XKR6: variants seen among roughly 807,000 people sequenced by gnomAD.
XKR6 encodes XK related 6.
XKR6 carries 22 observed loss-of-function variants against 56.7 expected under a neutral mutation model. The observed-to-expected ratio is 0.39, with a 90% CI of 0.28 to 0.55. The LOEUF (loss-of-function observed/expected upper bound fraction) is 0.55, where lower values mean the gene tolerates loss of function less well. XKR6 is among the 20% of genes least tolerant of loss of function. The probability of loss-of-function intolerance (pLI) is 0.66; values close to 1 mark genes in which losing one functional copy is unlikely to be tolerated. For missense variants in XKR6, 852 were observed against 889.0 expected, an observed-to-expected ratio of 0.96 and a Z score of 0.53; for synonymous variants, 524 against 387.8, an observed-to-expected ratio of 1.35 and a Z score of -4.13.
chr8:10,901,557 C>A (rs1800036758), intron 2 of XKR6, among the ~76,000 whole-genome samples: 2 of 152,164 alleles, frequency 1.3e-5, no homozygotes, highest in South Asian at 4.1e-4. Context: ...CTCATGACAT[C>A]CTTGCTCTCC....
At chr8:11,116,634 G>T (rs1214416777) in intron 1 of XKR6, among the ~76,000 whole-genome samples, 1 of 152,100 alleles carries the variant, frequency 6.6e-6, no homozygotes, top group African/African-American at 2.4e-5. Context: ...GCCTCCCAAA[G>T]TGCTGGGATT....
intron 1 of XKR6, among the ~76,000 whole-genome samples, chr8:11,000,580 G>C (rs1346699725): frequency 1.3e-5 from 2 of 152,176 alleles, no homozygotes; most frequent in Admixed American, 1.3e-4. Flanking sequence ...AGCTACTCGG[G>C]AGGCTGAGGT....
intron 1 of XKR6, among the ~76,000 whole-genome samples, chr8:10,988,871 T>A (rs528887631): frequency 3.3e-5 from 5 of 152,314 alleles, no homozygotes; most frequent in African/African-American, 1.2e-4. Context: ...CAGATTCCCT[T>A]TGCTGTCCGG....
intron 1 of XKR6, among the ~76,000 whole-genome samples, chr8:11,059,224 C>T (rs908506997): frequency 2.6e-5 from 4 of 152,246 alleles, no homozygotes; most frequent in Admixed American, 2.6e-4. Flanking sequence ...CAAGCTGCGA[C>T]CCCCTGCGCT....
chr8:11,035,939 C>CTT (rs58989028), intron 1 of XKR6, among the ~76,000 whole-genome samples: 1,081 of 101,540 alleles, frequency 0.011, 5 homozygotes, highest in African/African-American at 0.013. Context: ...CTGTGAAAGT[C>CTT]TTTTTTTTTT....
intron 1 of XKR6, among the ~76,000 whole-genome samples, chr8:11,129,955 T>A (rs1800019916): frequency 6.6e-6 from 1 of 152,152 alleles, no homozygotes; most frequent in Non-Finnish European, 1.5e-5. Context: ...AGCTCAAGTG[T>A]CAATCTGAAT....
chr8:11,186,197 T>C (rs1278973923), intron 1 of XKR6, among the ~76,000 whole-genome samples: 2 of 149,680 alleles, frequency 1.3e-5, no homozygotes, highest in Non-Finnish European at 3.0e-5. Flanking sequence ...CCCATCCCCA[T>C]CCCACTTTAA....
intron 1 of XKR6, among the ~76,000 whole-genome samples, chr8:11,134,526 G>A (rs944899825): frequency 4.6e-5 from 7 of 152,150 alleles, no homozygotes; most frequent in Non-Finnish European, 7.3e-5. Flanking sequence ...CATTCAGTGG[G>A]TGCCATATGA....
chr8:10,913,973 G>A (rs183641109), intron 2 of XKR6, among the ~76,000 whole-genome samples: 35 of 152,318 alleles, frequency 2.3e-4, no homozygotes, highest in African/African-American at 7.9e-4. Flanking sequence ...GGTGCAAGAG[G>A]CTGGGAATGC....
At chr8:10,940,320 C>G (rs1171748788) in intron 1 of XKR6, among the ~76,000 whole-genome samples, 3 of 152,200 alleles carry the variant, frequency 2.0e-5, no homozygotes, top group Admixed American at 2.0e-4. Flanking sequence ...GGTCAACATT[C>G]GAGAATGCCA....
rs1443610920 is a variant in XKR6 at position 11,104,788 on chromosome 8, G to C, written c.764+95788C>G. The C allele has an allele frequency of 2.0e-5, 3 of 152,136 alleles. No individual in the cohort carries two copies. In the East Asian group the frequency reaches 5.8e-4, roughly 29 times the overall value. 9.4% of individuals were successfully genotyped at this position (152,136 alleles called of 1,614,324 possible). Reference sequence around the variant, plus strand: ...ATCCACATCGCTTCTTGGCCTTTTGGCTAAGATCAAGTGTGAAAAGTGATC... The same window carrying C: ...ATCCACATCGCTTCTTGGCCTTTTGCCTAAGATCAAGTGTGAAAAGTGATC... On this transcript the variant is annotated intron_variant, in intron 1 of 2. Coordinates refer to ENST00000416569, the MANE Select transcript of XKR6 (RefSeq NM_173683.4).
chr8:11,128,895 GCTAA>G (rs1313903155), intron 1 of XKR6: 7 of 456,650 alleles, frequency 1.5e-5, no homozygotes, highest in African/African-American at 8.0e-5. Flanking sequence ...CTTGGTCACT[GCTAA>G]CTGATTTCCT....
At chr8:11,044,596 C>T (rs1799362094) in intron 1 of XKR6, among the ~76,000 whole-genome samples, 1 of 152,062 alleles carries the variant, frequency 6.6e-6, no homozygotes, top group Non-Finnish European at 1.5e-5. Flanking sequence ...ATCCTCCCAA[C>T]AACGCTGTCT....
At chr8:11,152,672 G>A (rs1033566960) in intron 1 of XKR6, among the ~76,000 whole-genome samples, 1 of 152,144 alleles carries the variant, frequency 6.6e-6, no homozygotes, top group African/African-American at 2.4e-5. Context: ...GTTTGCTTTT[G>A]TATAACAAGT....
At chr8:11,001,570 T>C (rs1387873395) in intron 1 of XKR6, among the ~76,000 whole-genome samples, 1 of 152,242 alleles carries the variant, frequency 6.6e-6, no homozygotes, top group Non-Finnish European at 1.5e-5. Flanking sequence ...ATCCCAATTC[T>C]GGGCCAGGCA....
intron 1 of XKR6, among the ~76,000 whole-genome samples, chr8:11,063,903 C>T (rs1799911974): frequency 6.6e-6 from 1 of 152,186 alleles, no homozygotes; most frequent in Admixed American, 6.5e-5. Flanking sequence ...ATCTCTTTCT[C>T]TTTGAACTTT....
At chr8:11,029,978 A>T (rs1798955036) in intron 1 of XKR6, among the ~76,000 whole-genome samples, 2 of 152,060 alleles carry the variant, frequency 1.3e-5, no homozygotes, top group Non-Finnish European at 2.9e-5. Flanking sequence ...CATACACACA[A>T]ATCTGCAACA....
chr8:11,098,797 C>G (rs925528206), intron 1 of XKR6, among the ~76,000 whole-genome samples: 2 of 152,194 alleles, frequency 1.3e-5, no homozygotes, highest in African/African-American at 4.8e-5. Flanking sequence ...GCTTTACTTT[C>G]TTTTGAATCT....
At chr8:11,157,859 C>CT (rs1249434779) in intron 1 of XKR6, among the ~76,000 whole-genome samples, 4 of 152,264 alleles carry the variant, frequency 2.6e-5, no homozygotes, top group Admixed American at 2.6e-4. Flanking sequence ...TTACAAATCT[C>CT]TGAGATTCCC....
Sources: allele counts gnomAD v4.1 joint callset (sites outside exome capture counted in the v4.1 genomes callset), GRCh38; gene constraint gnomAD v4.1.1; transcripts MANE v1.5; gene names NCBI Gene and HGNC (gene_info 2026-07-23, HGNC 2026-07-21).